ATAD1: variants seen among roughly 807,000 people sequenced by gnomAD.
ATAD1 encodes the protein outer mitochondrial transmembrane helix translocase.
A neutral mutation model predicts 42.7 loss-of-function variants in ATAD1; 18 were observed. That is an observed-to-expected ratio of 0.42 (90% CI 0.29 to 0.63). The LOEUF (loss-of-function observed/expected upper bound fraction) is 0.63, where lower values mean the gene tolerates loss of function less well. ATAD1 is among the 20% of genes least tolerant of loss of function. The pLI is 0.19. For missense variants in ATAD1, 294 were observed against 440.4 expected (o/e 0.67, Z 2.98); for synonymous variants, 132 against 143.1 (o/e 0.92, Z 0.55).
intron 7 of ATAD1, among the ~76,000 whole-genome samples, chr10:87,770,666 C>A (rs1854987357): frequency 6.6e-6 from 1 of 152,146 alleles, no homozygotes. Flanking sequence ...TCTTATGTAT[C>A]TTCCTGTATA....
At chr10:87,781,105 A>G (rs1855539817) in intron 5 of ATAD1, among the ~76,000 whole-genome samples, 1 of 152,150 alleles carries the variant, frequency 6.6e-6, no homozygotes, top group Non-Finnish European at 1.5e-5. Flanking sequence ...GGATCTTCTT[A>G]GGCAAAAAAG....
intron 8 of ATAD1, among the ~76,000 whole-genome samples, chr10:87,764,039 C>G (rs2131780891): frequency 6.6e-6 from 1 of 152,122 alleles, no homozygotes. Flanking sequence ...CTTACAAAGC[C>G]TCAATAATTA....
intron 8 of ATAD1, among the ~76,000 whole-genome samples, chr10:87,761,073 T>A (rs72814103): frequency 0.26 from 37,767 of 147,194 alleles, 5,084 homozygotes; most frequent in Non-Finnish European, 0.31. Context: ...CATGTGAATT[T>A]AAAAAAAAAA....
chr10:87,791,203 TCAA>T (rs1856091856), intron 3 of ATAD1, among the ~76,000 whole-genome samples: 1 of 94,882 alleles, frequency 1.1e-5, no homozygotes, highest in African/African-American at 5.3e-5. Context: ...AGACTCTGTC[TCAA>T]AAAAAAAAAA....
At position 87,830,412 on chromosome 10, in the gene ATAD1, C is replaced by T. The variant is rs138261760; in HGVS notation, c.-14+10775G>A. Among the ~76,000 whole-genome samples, 936 of 152,242 alleles carry T rather than the reference C, an allele frequency of 6.1e-3. 9 individuals are homozygous for T. Among genetic ancestry groups the T allele is most frequent in the African/African-American group, 0.022 (896 of 41,540 alleles). On this transcript the variant is annotated intron_variant, in intron 1 of 4. Coordinates refer to the ATAD1 transcript ENST00000495903. ...ATGGAGGTTTTACCTAACATGGCAC[C>T]TTTTAGGAATGTAATCATCCCCACT...
At chr10:87,809,468 G>A (rs1857077037) in intron 2 of ATAD1, among the ~76,000 whole-genome samples, 4 of 151,494 alleles carry the variant, frequency 2.6e-5, no homozygotes, top group South Asian at 2.1e-4. Flanking sequence ...GGTTGGCAGA[G>A]GTAAAAGAGG....
chr10:87,826,557 G>A (rs965239713), intron 1 of ATAD1, among the ~76,000 whole-genome samples: 1 of 152,194 alleles, frequency 6.6e-6, no homozygotes, highest in African/African-American at 2.4e-5. Context: ...TTCTTGGCTG[G>A]CTAAAAGCAG....
chr10:87,798,625 G>GGTGTGTGTGTGTGTGTGT lies in ATAD1; in HGVS notation c.163-5888_163-5871dup, dbSNP rs71022506. On this transcript the variant is annotated intron_variant, in intron 2 of 9. Coordinates refer to ENST00000680024, the MANE Select transcript of ATAD1 (RefSeq NM_001321967.2). Reference sequence around the variant, plus strand: ...AAGTTCCAAAGTAAAAGCTATAGGGGGTGTGTGTGTGTGTGTGTGTGTGTG... The same window carrying GGTGTGTGTGTGTGTGTGT: ...AAGTTCCAAAGTAAAAGCTATAGGGGGTGTGTGTGTGTGTGTGTGTGTGTGTGTGTGTGTGTGTGTGTG... Among the ~76,000 whole-genome samples the GGTGTGTGTGTGTGTGTGT allele has an allele frequency of 1.3e-3, 159 of 124,924 alleles. 4 individuals carry two copies. Among genetic ancestry groups the GGTGTGTGTGTGTGTGTGT allele is most frequent in the Middle Eastern group, 4.1e-3 (1 of 246 alleles). 82.0% of individuals were successfully genotyped at this position (124,924 alleles called of 152,430 possible).
chr10:87,807,934 G>A (rs1774685679), intron 2 of ATAD1, among the ~76,000 whole-genome samples: 2 of 152,040 alleles, frequency 1.3e-5, no homozygotes, highest in South Asian at 4.1e-4. Context: ...CAGTATTTTT[G>A]TACTGATGTT....
intron 1 of ATAD1, among the ~76,000 whole-genome samples, chr10:87,839,487 T>C (rs1220272911): frequency 2.0e-5 from 3 of 152,216 alleles, no homozygotes; most frequent in African/African-American, 4.8e-5. Context: ...CTGCAGATAG[T>C]AGTTTTAAAT....
intron 6 of ATAD1, among the ~76,000 whole-genome samples, chr10:87,773,780 A>G (rs1268894980): frequency 6.6e-6 from 1 of 152,184 alleles, no homozygotes; most frequent in African/African-American, 2.4e-5. Flanking sequence ...CCTGCTGAAA[A>G]TAGTTGAACA....
chr10:87,763,997 C>G (rs753266242), intron 8 of ATAD1, among the ~76,000 whole-genome samples: 13 of 151,988 alleles, frequency 8.6e-5, no homozygotes, highest in Non-Finnish European at 1.6e-4. Flanking sequence ...TCGGGGACAA[C>G]AAGGGATATA....
chr10:87,786,360 T>C (rs1855833710), intron 4 of ATAD1, among the ~76,000 whole-genome samples: 1 of 151,658 alleles, frequency 6.6e-6, no homozygotes, highest in Non-Finnish European at 1.5e-5. Flanking sequence ...TATTCAGAGA[T>C]TTTAGAGTGT....
At chr10:87,805,539 A>G (rs555807863) in intron 2 of ATAD1, among the ~76,000 whole-genome samples, 17 of 152,286 alleles carry the variant, frequency 1.1e-4, no homozygotes, top group African/African-American at 4.1e-4. Context: ...ATTTAATCTC[A>G]TTAAATACTG....
chr10:87,764,583 A>G (rs1211222920), intron 8 of ATAD1, among the ~76,000 whole-genome samples: 10 of 152,238 alleles, frequency 6.6e-5, no homozygotes, highest in Non-Finnish European at 5.9e-5. Flanking sequence ...TAAAGATTTA[A>G]ATGTAAAACG....
At chr10:87,812,544 T>TG (rs1589556260) in intron 2 of ATAD1, among the ~76,000 whole-genome samples, 1 of 152,170 alleles carries the variant, frequency 6.6e-6, no homozygotes, top group East Asian at 1.9e-4. Context: ...ATTATAGGCG[T>TG]GAGCCACCAC....
rs187473550 is a variant in ATAD1, at chr10:87,790,495, G to A, written c.262-65C>T. ...GTACACTCACTAAAGTAAAAAGAAC[G>A]CTCCCAAAATTACAAATGTTAATCT... is the stretch of plus-strand genomic sequence containing the variant. On this transcript the variant is annotated intron_variant, in intron 3 of 9. Coordinates refer to ENST00000680024, the MANE Select transcript of ATAD1 (RefSeq NM_001321967.2). 76 of 1,465,736 alleles carry A rather than the reference G, an allele frequency of 5.2e-5. No homozygotes were observed. The East Asian group carries it at 5.5e-4, about 11-fold the overall frequency. 90.8% of individuals were successfully genotyped at this position (1,465,736 alleles called of 1,614,324 possible).
chr10:87,763,754 T>C (rs947917604), intron 8 of ATAD1, among the ~76,000 whole-genome samples: 2 of 152,016 alleles, frequency 1.3e-5, no homozygotes, highest in African/African-American at 4.8e-5. Context: ...GAACTCTGCT[T>C]GATAAGATAT....
rs140313296 is a variant in ATAD1, at chr10:87,824,331, A to C, written c.-13-9719T>G. Among the ~76,000 whole-genome samples, 52 of 152,358 alleles carry C rather than the reference A, an allele frequency of 3.4e-4. No individual in the cohort carries two copies. In the East Asian group the frequency reaches 9.6e-3, roughly 28 times the overall value. On this transcript the variant is annotated intron_variant, in intron 1 of 4. Coordinates refer to the ATAD1 transcript ENST00000495903. ...ATGATTGCCCTATCCTGATGTGTCC[A>C]TTAGAAACTAGTCCAATCGGGGAGT...
Sources: gnomAD v4.1 joint callset for allele counts (sites outside exome capture counted in the v4.1 genomes callset) on GRCh38, gnomAD v4.1.1 for gene constraint, MANE v1.5 for transcripts, NCBI Gene and HGNC (gene_info 2026-07-23, HGNC 2026-07-21) for gene names.